Variants in ST13 observed in about 807,000 individuals in gnomAD.
ST13 encodes hsc70-interacting protein.
In ST13, 23 loss-of-function variants were observed where a neutral mutation model predicts 56.7. The ratio of observed to expected loss-of-function variants is 0.41; its 90% confidence interval spans 0.29 to 0.57. The LOEUF (loss-of-function observed/expected upper bound fraction) is 0.57. Ranked by LOEUF, ST13 falls within the 20% of genes least tolerant of loss-of-function variation. ST13 has a pLI of 0.36. For synonymous variants in ST13, 132 were observed against 142.4 expected (o/e 0.93, Z 0.52); for missense variants, 369 against 459.9 (o/e 0.80, Z 1.81).
intron 1 of ST13, among the ~76,000 whole-genome samples, chr22:40,855,291 AAAATT>A (rs2057884265): frequency 6.6e-6 from 1 of 152,200 alleles, no homozygotes; most frequent in Non-Finnish European, 1.5e-5. Flanking sequence ...TCTCTACAAA[AAAATT>A]AAATTAGCCA....
intron 11 of ST13, 38 bp from the exon 12 acceptor site, chr22:40,826,704 C>T (rs753959078): frequency 6.2e-6 from 10 of 1,602,238 alleles, no homozygotes; most frequent in South Asian, 1.1e-5. Context: ...AAAAAGTGTC[C>T]TACTGGGTCA....
chr22:40,852,582 C>T (rs1238285482), intron 1 of ST13, among the ~76,000 whole-genome samples: 1 of 152,122 alleles, frequency 6.6e-6, no homozygotes, highest in Non-Finnish European at 1.5e-5. Context: ...CTTATAAGCA[C>T]CATTCAAACG....
chr22:40,833,162 A>T (rs150623196), intron 7 of ST13, among the ~76,000 whole-genome samples: 1 of 152,248 alleles, frequency 6.6e-6, no homozygotes, highest in Non-Finnish European at 1.5e-5. Context: ...TTCACTGGGT[A>T]TACCTTTTAA....
At chr22:40,840,531 C>T (rs1295778499) in intron 5 of ST13, 95 bp downstream of exon 5, 1 of 1,056,138 alleles carries the variant, frequency 9.5e-7, no homozygotes, top group Admixed American at 2.0e-5. Flanking sequence ...CAGTATAGGA[C>T]AGGTACATGT....
chr22:40,836,037 T>C (rs1252816405), intron 5 of ST13, 150 bp from the exon 6 acceptor site: 2 of 624,502 alleles, frequency 3.2e-6, no homozygotes, highest in African/African-American at 1.8e-5. Context: ...AACTGGCTCT[T>C]GAAAGCAAAT....
At chr22:40,841,572 C>CA (rs1196313127) in intron 4 of ST13, among the ~76,000 whole-genome samples, 2 of 151,586 alleles carry the variant, frequency 1.3e-5, no homozygotes, top group East Asian at 1.9e-4. Context: ...TTCGTCTCTA[C>CA]AAAAAATAAA....
At position 40,850,875 on chromosome 22, in the gene ST13, C is replaced by T; in HGVS notation, c.116G>A (p.Gly39Asp). The stretch of plus-strand genomic sequence containing the variant: ...CTGAGTAGCAGGTGGTACTTTACCA[C>T]CCATGCTTGAAGAAGATGAGAAAAA... Reference protein sequence around the residue: ...RFLREWVESMGGKVPPATQKA... With the variant: ...RFLREWVESMDGKVPPATQKA... The change falls in exon 2 of 12, where the codon GGT (glycine) becomes GAT (aspartate). Residue 39 changes from glycine (G) to aspartate (D), a missense_variant. Physicochemically the swap from Gly to Asp is moderately conservative, Grantham distance 94. This residue lies in a region of ST13 where 169 missense variants were observed against 175.6 expected (regional missense o/e 0.96). Coordinates refer to ENST00000216218, the MANE Select transcript of ST13 (RefSeq NM_003932.5). 1.3e-6 allele frequency: 2 copies of T among 1,595,878 alleles called. No individual in the cohort carries two copies. The highest frequency in any genetic ancestry group is 1.7e-6 in the Non-Finnish European group (2 of 1,174,034).
intron 2 of ST13, among the ~76,000 whole-genome samples, chr22:40,849,239 A>G (rs1444857720): frequency 1.3e-5 from 2 of 152,052 alleles, no homozygotes; most frequent in East Asian, 3.8e-4. Flanking sequence ...GCACTTTGGG[A>G]GTCCGAGGTG....
At position 40,824,763 on chromosome 22, in the gene ST13, A is replaced by C. The variant is rs2057720014; in HGVS notation, c.*1775T>G. ...GGAGAACTCTACACATTAACAAAAG[A>C]ACACACAAGCTCAAATGCAAGTTTA... On this transcript the variant is annotated 3_prime_UTR_variant, in exon 12 of 12. Coordinates refer to ENST00000216218, the MANE Select transcript of ST13 (RefSeq NM_003932.5). 1 of 152,236 alleles carries C rather than the reference A, an allele frequency of 6.6e-6. No individual in the cohort carries two copies. Among genetic ancestry groups the C allele is most frequent in the Admixed American group, 6.5e-5 (1 of 15,284 alleles). The allele number at this position is 152,236 out of a possible 1,614,324, so 9.4% of individuals were successfully genotyped here. A position where few individuals can be genotyped will look rare whatever the true frequency, so the allele number is the denominator to read the frequency against.
Position 40,835,568 on chromosome 22 carries a change from T to C in ST13, c.570A>G (p.Lys190=), listed in dbSNP as rs1217889997. 2.5e-6 allele frequency: 4 copies of C among 1,610,262 alleles called. No homozygotes were observed. The highest frequency in any genetic ancestry group is 2.7e-5 in the African/African-American group (2 of 74,820). The part of the protein sequence containing the change: ...DSAQPYKWRG[K]AHRLLGHWEE... ...TAAATTCAATTATTTACCTGTGTGC[T>C]TTCCCCCGCCACTTGTAAGGCTGAG... Residue 190 remains lysine (K), a synonymous_variant, in exon 7 of 12, where the codon AAA becomes AAG. Coordinates refer to ENST00000216218, the MANE Select transcript of ST13 (RefSeq NM_003932.5).
intron 5 of ST13, among the ~76,000 whole-genome samples, chr22:40,840,400 G>C (rs142910554): frequency 6.7e-6 from 1 of 149,546 alleles, no homozygotes; most frequent in Non-Finnish European, 1.5e-5. Context: ...AAAACACCAC[G>C]ATAGGGTCAG....
chr22:40,842,890 A>C (rs370019039), intron 4 of ST13, among the ~76,000 whole-genome samples: 2 of 152,132 alleles, frequency 1.3e-5, no homozygotes, highest in South Asian at 2.1e-4. Flanking sequence ...AGTGACTCAT[A>C]CCTGTAATCC....
Position 40,826,591 on chromosome 22 carries a change from T to C in ST13, c.1057A>G (p.Lys353Glu). The change falls in exon 12 of 12, where the codon AAG becomes GAG. Residue 353 changes from lysine to glutamate, a missense_variant. By Grantham distance (56) the Lys-to-Glu change is moderately conservative. This residue lies in a region of ST13 where 136 missense variants were observed against 159.2 expected (regional missense o/e 0.85). Coordinates refer to ENST00000216218, the MANE Select transcript of ST13 (RefSeq NM_003932.5). The stretch of plus-strand genomic sequence containing the variant: ...AATTTACTGATGAGATTCATAACCT[T>C]TGGGTTGCTCTGGTATTTTGACATA... Reference protein sequence around the residue: ...ANMSKYQSNPKVMNLISKLSA... With the variant: ...ANMSKYQSNPEVMNLISKLSA... 1.2e-6 allele frequency: 2 copies of C among 1,603,186 alleles called. No homozygotes were observed. The highest frequency in any genetic ancestry group is 1.7e-6 in the Non-Finnish European group (2 of 1,179,740).
chr22:40,850,290 A>T (rs1403867855), intron 2 of ST13, among the ~76,000 whole-genome samples: 7 of 152,126 alleles, frequency 4.6e-5, no homozygotes, highest in Non-Finnish European at 8.8e-5. Flanking sequence ...AAAAGAAAAC[A>T]TTCTTAAACA....
At chr22:40,837,347 G>A (rs2057782568) in intron 5 of ST13, among the ~76,000 whole-genome samples, 1 of 152,142 alleles carries the variant, frequency 6.6e-6, no homozygotes, top group African/African-American at 2.4e-5. Context: ...TGGGCACAGT[G>A]GCTCACGCCT....
intron 7 of ST13, among the ~76,000 whole-genome samples, chr22:40,834,361 G>C (rs759467789): frequency 2.6e-5 from 4 of 152,048 alleles, no homozygotes; most frequent in Non-Finnish European, 5.9e-5. Flanking sequence ...TGTTTTTAAG[G>C]TATTGTAATT....
At chr22:40,851,811 T>C (rs2145751524) in intron 1 of ST13, among the ~76,000 whole-genome samples, 1 of 151,306 alleles carries the variant, frequency 6.6e-6, no homozygotes, top group South Asian at 2.1e-4. Context: ...AGTGGCACAA[T>C]CTTGGCTCAC....
chr22:40,833,181 T>C lies in ST13; in HGVS notation c.579-510A>G, dbSNP rs181246692. Among the ~76,000 whole-genome samples, 182 of 152,292 alleles carry C rather than the reference T, an allele frequency of 1.2e-3. 1 individual carries two copies. Among genetic ancestry groups the C allele is most frequent in the African/African-American group, 4.3e-3 (178 of 41,562 alleles). On this transcript the variant is annotated intron_variant, in intron 7 of 11. Coordinates refer to ENST00000216218, the MANE Select transcript of ST13 (RefSeq NM_003932.5). ...CTGGGTATACCTTTTAACTCAGGTG[T>C]AACTCTTCGAACATTTAAATGCTTT...
chr22:40,853,126 G>A (rs961583081), intron 1 of ST13, among the ~76,000 whole-genome samples: 4 of 152,130 alleles, frequency 2.6e-5, no homozygotes, highest in African/African-American at 7.2e-5. Context: ...TGGAGACTAC[G>A]TGACATGGCA....
Sources: allele counts gnomAD v4.1 joint callset (sites outside exome capture counted in the v4.1 genomes callset), GRCh38; gene constraint gnomAD v4.1.1; regional missense constraint gnomAD v4.1.1; transcripts MANE v1.5; gene names NCBI Gene and HGNC (gene_info 2026-07-23, HGNC 2026-07-21).